Variants in GRID2 observed in about 807,000 individuals in gnomAD.
GRID2 encodes the protein glutamate ionotropic receptor delta type subunit 2.
GRID2 carries 33 observed loss-of-function variants against 114.8 expected under a neutral mutation model. The ratio of observed to expected loss-of-function variants is 0.29; its 90% CI spans 0.22 to 0.38. GRID2 has a LOEUF of 0.38. GRID2 is among the 10% of genes least tolerant of loss of function. The pLI, the probability that GRID2 is intolerant of heterozygous loss-of-function variation, is 1.00. For missense variants in GRID2, 1,184 were observed against 1,257.7 expected (o/e 0.94, Z 0.89); for synonymous variants, 505 against 449.9 (o/e 1.12, Z -1.55).
chr4:92,876,827 A>G (rs1455974938), intron 2 of GRID2, among the ~76,000 whole-genome samples: 3 of 152,330 alleles, frequency 2.0e-5, no homozygotes, highest in African/African-American at 7.2e-5. Flanking sequence ...GCTAATTCCA[A>G]TGTTGGTGGA....
intron 14 of GRID2, among the ~76,000 whole-genome samples, chr4:93,723,885 T>G (rs1729608727): frequency 1.3e-5 from 2 of 152,186 alleles, no homozygotes; most frequent in South Asian, 4.1e-4. Flanking sequence ...GGTAACCAAT[T>G]AAAGGCAGAC....
At chr4:92,329,005 G>T (rs968481306) in intron 1 of GRID2, among the ~76,000 whole-genome samples, 1 of 151,766 alleles carries the variant, frequency 6.6e-6, no homozygotes, top group Non-Finnish European at 1.5e-5. Flanking sequence ...TTACTCTCTG[G>T]ATGTCCCTAG....
chr4:92,939,042 T>C, intron 2 of GRID2, among the ~76,000 whole-genome samples: 1 of 147,212 alleles, frequency 6.8e-6, no homozygotes, highest in East Asian at 2.1e-4. Context: ...TGGGTGTCTT[T>C]ATAGCAGCAT....
intron 1 of GRID2, among the ~76,000 whole-genome samples, chr4:92,452,937 C>T (rs1287029319): frequency 9.8e-6 from 1 of 101,792 alleles, no homozygotes; most frequent in East Asian, 3.7e-4. Flanking sequence ...TAGAGATAGA[C>T]TGACAGGTGT....
intron 2 of GRID2, among the ~76,000 whole-genome samples, chr4:92,651,469 G>C (rs1273962104): frequency 6.6e-6 from 1 of 152,048 alleles, no homozygotes; most frequent in Non-Finnish European, 1.5e-5. Context: ...TGGGGAAAGA[G>C]ACTGACTGGT....
intron 8 of GRID2, among the ~76,000 whole-genome samples, chr4:93,332,483 C>A (rs1286222025): frequency 6.6e-6 from 1 of 151,894 alleles, no homozygotes; most frequent in Non-Finnish European, 1.5e-5. Context: ...CTATTACTTA[C>A]AACCAGAGGA....
At chr4:93,699,319 C>T (rs1369283069) in intron 14 of GRID2, among the ~76,000 whole-genome samples, 1 of 151,720 alleles carries the variant, frequency 6.6e-6, no homozygotes, top group Admixed American at 6.6e-5. Flanking sequence ...TTAATGTAAC[C>T]CCAATTAACC....
At chr4:93,632,724 T>C (rs1256480955) in intron 14 of GRID2, among the ~76,000 whole-genome samples, 1 of 152,192 alleles carries the variant, frequency 6.6e-6, no homozygotes, top group Non-Finnish European at 1.5e-5. Context: ...CCATATGAAC[T>C]TTCAAGTCGT....
intron 13 of GRID2, among the ~76,000 whole-genome samples, chr4:93,614,258 A>T (rs1348304597): frequency 2.0e-5 from 3 of 152,076 alleles, no homozygotes; most frequent in East Asian, 1.9e-4. Flanking sequence ...GGAAATGCAG[A>T]AATCACCCGT....
At chr4:93,162,982 T>C (rs1163127386) in intron 4 of GRID2, among the ~76,000 whole-genome samples, 1 of 152,028 alleles carries the variant, frequency 6.6e-6, no homozygotes. Context: ...ATAATAGTTT[T>C]AGCAACTCTT....
chr4:92,627,156 G>C (rs1730562760), intron 2 of GRID2, among the ~76,000 whole-genome samples: 1 of 152,072 alleles, frequency 6.6e-6, no homozygotes, highest in South Asian at 2.1e-4. Flanking sequence ...TAAGACATGA[G>C]AGATTATCAA....
chr4:92,417,702 A>G (rs1238209766), intron 1 of GRID2, among the ~76,000 whole-genome samples: 1 of 152,180 alleles, frequency 6.6e-6, no homozygotes, highest in African/African-American at 2.4e-5. Context: ...CAAAAAATAT[A>G]AAATCATAAT....
At chr4:92,541,313 GTCA>G (rs1439223917) in intron 1 of GRID2, among the ~76,000 whole-genome samples, 7 of 144,038 alleles carry the variant, frequency 4.9e-5, no homozygotes, top group Non-Finnish European at 7.9e-5. Flanking sequence ...TAAAATAAGA[GTCA>G]GGAAAAAAAA....
chr4:93,240,603 G>A (rs2149515655), intron 8 of GRID2, among the ~76,000 whole-genome samples: 2 of 150,884 alleles, frequency 1.3e-5, no homozygotes, highest in South Asian at 2.1e-4. Flanking sequence ...TAAATTTAGA[G>A]GAACTATGAA....
chr4:92,348,545 G>A (rs1560579970), intron 1 of GRID2, among the ~76,000 whole-genome samples: 1 of 152,156 alleles, frequency 6.6e-6, no homozygotes, highest in African/African-American at 2.4e-5. Flanking sequence ...AGAGCTAAAA[G>A]AGCTAGTTTC....
intron 4 of GRID2, among the ~76,000 whole-genome samples, chr4:93,134,532 C>T (rs1735067540): frequency 6.6e-6 from 1 of 152,038 alleles, no homozygotes; most frequent in African/African-American, 2.4e-5. Flanking sequence ...TGCTGGATAT[C>T]AAAATTCTGT....
chr4:93,122,728 A>AT (rs913982393), intron 4 of GRID2, among the ~76,000 whole-genome samples: 15 of 152,078 alleles, frequency 9.9e-5, no homozygotes, highest in African/African-American at 3.4e-4. Flanking sequence ...TTAAAAAAAA[A>AT]CAAATCTCTA....
intron 2 of GRID2, among the ~76,000 whole-genome samples, chr4:92,608,243 A>G (rs2149225790): frequency 6.6e-6 from 1 of 151,964 alleles, no homozygotes; most frequent in African/African-American, 2.4e-5. Flanking sequence ...TAGTGGTGCA[A>G]TAGTGAATTC....
intron 2 of GRID2, among the ~76,000 whole-genome samples, chr4:92,791,149 C>A (rs1427231555): frequency 1.3e-5 from 2 of 151,596 alleles, no homozygotes; most frequent in African/African-American, 2.4e-5. Flanking sequence ...AGAAATTGTT[C>A]CAGCTTACTA....
Sources: gnomAD v4.1 joint callset for allele counts (sites outside exome capture counted in the v4.1 genomes callset) on GRCh38, gnomAD v4.1.1 for gene constraint, MANE v1.5 for transcripts, NCBI Gene and HGNC (gene_info 2026-07-23, HGNC 2026-07-21) for gene names.